The following PLIN2 variants were observed in gnomAD, a reference collection of about 807,000 sequenced individuals.
PLIN2 encodes perilipin-2.
A neutral mutation model predicts 30.6 loss-of-function variants in PLIN2; 33 were observed. That is an observed-to-expected ratio of 1.08 (90% confidence interval 0.82 to 1.44). The LOEUF is 1.44. PLIN2 is among the 40% of genes most tolerant of loss of function. The pLI, the probability that PLIN2 is intolerant of heterozygous loss-of-function variation, is 0.00. For synonymous variants in PLIN2, 205 were observed against 201.1 expected (o/e 1.02, Z -0.16); for missense variants, 610 against 531.8 (o/e 1.15, Z -1.45).
chr9:19,113,094 G>A (rs1203073052), downstream of PLIN2, among the ~76,000 whole-genome samples: 3 of 152,134 alleles, frequency 2.0e-5, no homozygotes, highest in East Asian at 3.9e-4. Context: ...TGTAATCCCA[G>A]CATTTTGGGA....
intron 5 of PLIN2, among the ~76,000 whole-genome samples, chr9:19,120,511 G>A (rs924224749): frequency 6.6e-6 from 1 of 152,110 alleles, no homozygotes; most frequent in African/African-American, 2.4e-5. Flanking sequence ...TACTACGTAC[G>A]ATTCAATGTG....
chr9:19,126,480 G>A, intron 1 of PLIN2, 32 bp from the exon 2 acceptor site: 1 of 1,337,232 alleles, frequency 7.5e-7, no homozygotes, highest in Non-Finnish European at 1.1e-6. Flanking sequence ...CAGAACACCG[G>A]GATAAGACTC....
chr9:19,127,098 A>G lies in PLIN2; in HGVS notation c.-23+321T>C, dbSNP rs1156933407. ...TTTCGATAATGTCCCTTCGACAAAT[A>G]TTGTTTTCCCACAACCACCCAAGCA... On this transcript the variant is annotated intron_variant, in intron 1 of 7. Coordinates refer to ENST00000276914, the MANE Select transcript of PLIN2 (RefSeq NM_001122.4). This position sits in a 1 kb window ranked among gnomAD's most constrained non-coding sequence, Gnocchi z 4.3. Among the ~76,000 whole-genome samples, 6 of 152,082 alleles carry G rather than the reference A, an allele frequency of 3.9e-5. No homozygotes were observed. The highest frequency in any genetic ancestry group is 3.9e-4 in the Admixed American group (6 of 15,266).
At chr9:19,119,873 A>C in intron 5 of PLIN2, 42 bp from the exon 6 acceptor site, 1 of 1,340,806 alleles carries the variant, frequency 7.5e-7, no homozygotes, top group East Asian at 2.3e-5. Context: ...AAGGGATCAC[A>C]GTGACAAGTG....
chr9:19,118,194 T>A, intron 7 of PLIN2, 127 bp downstream of exon 7: 2 of 909,310 alleles, frequency 2.2e-6, no homozygotes, highest in Non-Finnish European at 3.3e-6. Context: ...TAGCCACCTA[T>A]GTACATGGTA....
At chr9:19,114,011 C>G (rs1818189640), downstream of PLIN2, among the ~76,000 whole-genome samples, 1 of 152,012 alleles carries the variant, frequency 6.6e-6, no homozygotes, top group Non-Finnish European at 1.5e-5. Context: ...CTCTCCTGAC[C>G]TCTTGATCTG....
At chr9:19,125,959 G>T in intron 3 of PLIN2, 155 bp downstream of exon 3, 2 of 563,214 alleles carry the variant, frequency 3.6e-6, no homozygotes, top group Non-Finnish European at 6.3e-6. Flanking sequence ...AAAAGAAACA[G>T]TCCTCTTACG....
At chr9:19,119,556 G>A (rs1298999991) in intron 6 of PLIN2, 94 bp downstream of exon 6, 21 of 748,122 alleles carry the variant, frequency 2.8e-5, no homozygotes, top group Non-Finnish European at 4.5e-5. Context: ...TGTCAACTAA[G>A]AATGAAATTC....
chr9:19,118,225 G>C, intron 7 of PLIN2, 96 bp downstream of exon 7: 1 of 1,209,830 alleles, frequency 8.3e-7, no homozygotes, highest in Non-Finnish European at 1.2e-6. Flanking sequence ...TTTTGATAGA[G>C]AAGAGTATTC....
chr9:19,120,956 G>A lies in PLIN2; in HGVS notation c.519C>T (p.Ser173=). 1.2e-6 allele frequency: 2 copies of A among 1,614,056 alleles called. No homozygotes were observed. The highest frequency in any genetic ancestry group is 1.1e-5 in the South Asian group (1 of 91,080). The change falls in exon 5 of 8, where the codon AGC becomes AGT. Residue 173 remains serine, a synonymous_variant. Coordinates refer to ENST00000276914, the MANE Select transcript of PLIN2 (RefSeq NM_001122.4). ...VLGSRMMQLV[S]SGVENALTKS... Reference sequence around the variant, plus strand: ...TGGTGAGTGCATTTTCTACGCCACTGCTCACGAGCTGCATCATCCGACTCC... The same window carrying A: ...TGGTGAGTGCATTTTCTACGCCACTACTCACGAGCTGCATCATCCGACTCC...
Position 19,126,296 on chromosome 9 carries a change from C to G in PLIN2, c.44G>C (p.Arg15Pro), listed in dbSNP as rs779688213. The change falls in exon 3 of 8, where the codon CGG (arginine) becomes CCG (proline). Residue 15 changes from arginine to proline, a missense_variant. Physicochemically the swap from Arg to Pro is moderately radical, Grantham distance 103. Coordinates refer to ENST00000276914, the MANE Select transcript of PLIN2 (RefSeq NM_001122.4). ...AVDPQPSVVT[R>P]VVNLPLVSST... ...GCTCACCAAGGGCAGGTTGACCACC[C>G]GAGTCACCACACTCTGCAATCAAAG... The G allele has an allele frequency of 6.2e-7, 1 of 1,613,824 alleles. No homozygotes were observed. Among genetic ancestry groups the G allele is most frequent in the Non-Finnish European group, 8.5e-7 (1 of 1,179,826 alleles).
downstream of PLIN2, among the ~76,000 whole-genome samples, chr9:19,114,186 A>AT (rs1263075733): frequency 1.3e-5 from 2 of 152,116 alleles, no homozygotes; most frequent in Non-Finnish European, 2.9e-5. Flanking sequence ...AAGTGCTGGG[A>AT]TTACCAGCAT....
At chr9:19,123,677 T>C in intron 3 of PLIN2, 30 bp from the exon 4 acceptor site, 2 of 1,561,660 alleles carry the variant, frequency 1.3e-6, no homozygotes, top group South Asian at 2.2e-5. Flanking sequence ...AATGTTAATG[T>C]AGTACTATAG....
At chr9:19,122,535 A>T (rs1245797959) in intron 4 of PLIN2, among the ~76,000 whole-genome samples, 1 of 126,350 alleles carries the variant, frequency 7.9e-6, no homozygotes, top group East Asian at 2.2e-4. Context: ...TAGCCTAGGT[A>T]TATAGCAGGC....
rs1818217820 is a variant in PLIN2, at chr9:19,116,153, T to G, written c.*95A>C. 4.8e-6 allele frequency: 6 copies of G among 1,257,922 alleles called. No individual in the cohort carries two copies. Among genetic ancestry groups the G allele is most frequent in the Non-Finnish European group, 6.6e-6 (6 of 913,600 alleles). The allele number at this position is 1,257,922 out of a possible 1,614,324, so 77.9% of individuals were successfully genotyped here. A position where few individuals can be genotyped will look rare whatever the true frequency, so the allele number is the denominator to read the frequency against. ...ATTGAGGGCCTTTATACTAGCTACTTGCTTCCCAATTTAGGGTTGCCTAGC... is the reference window on the plus strand; with the variant it reads ...ATTGAGGGCCTTTATACTAGCTACTGGCTTCCCAATTTAGGGTTGCCTAGC... On this transcript the variant is annotated 3_prime_UTR_variant, in exon 8 of 8. Transcript: ENST00000276914.
intron 6 of PLIN2, 114 bp downstream of exon 6, chr9:19,119,536 T>C (rs1322402359): frequency 3.1e-6 from 2 of 642,776 alleles, no homozygotes; most frequent in African/African-American, 1.8e-5. Context: ...CAGTTTTCTA[T>C]TGGGTTGTTT....
intron 3 of PLIN2, 64 bp from the exon 4 acceptor site, chr9:19,123,711 A>G (rs1221956582): frequency 9.4e-6 from 13 of 1,388,806 alleles, no homozygotes; most frequent in East Asian, 6.9e-5. Context: ...ACACATTACC[A>G]TAGGCCTTAT....
At chr9:19,114,255 T>C (rs1173693077), downstream of PLIN2, among the ~76,000 whole-genome samples, 2 of 151,896 alleles carry the variant, frequency 1.3e-5, no homozygotes, top group Non-Finnish European at 2.9e-5. Context: ...CAAAGGAACA[T>C]GTAAAGTTAT....
chr9:19,120,898 G>C lies in PLIN2; in HGVS notation c.577C>G (p.Leu193Val). 6.2e-7 allele frequency: 1 copy of C among 1,613,780 alleles called. No homozygotes were observed. The highest frequency in any genetic ancestry group is 8.5e-7 in the Non-Finnish European group (1 of 1,179,634). Reference sequence around the variant, plus strand: ...CAGTTACCTAGTTCTTCCTCAGTGAGAGGGAGGTACTGTTCTACCAACAGC... The same window carrying C: ...CAGTTACCTAGTTCTTCCTCAGTGACAGGGAGGTACTGTTCTACCAACAGC... ...SELLVEQYLP[L>V]TEEELEKEAK... Residue 193 changes from leucine (L) to valine (V), a missense_variant, in exon 5 of 8, where the codon CTC (leucine) becomes GTC (valine). Coordinates refer to ENST00000276914, the MANE Select transcript of PLIN2 (RefSeq NM_001122.4).
Sources: gnomAD v4.1 joint callset for allele counts (sites outside exome capture counted in the v4.1 genomes callset) on GRCh38, gnomAD v4.1.1 for gene constraint, Gnocchi (gnomAD v3.1) non-coding constraint, MANE v1.5 for transcripts, NCBI Gene and HGNC (gene_info 2026-07-23, HGNC 2026-07-21) for gene names.